Variants in AGAP1 observed in about 807,000 individuals in gnomAD.
The protein encoded by AGAP1 is ArfGAP with GTPase domain, ankyrin repeat and PH domain 1, also known as arf-GAP with GTPase, ANK repeat and PH domain-containing protein 1.
AGAP1 carries 29 observed loss-of-function variants against 105.3 expected under a neutral mutation model. That is an observed-to-expected ratio of 0.28 (90% CI 0.21 to 0.38). The LOEUF (loss-of-function observed/expected upper bound fraction) is 0.38, where lower values mean the gene tolerates loss of function less well. Ranked by LOEUF, AGAP1 falls within the 10% of genes least tolerant of loss-of-function variation. The probability of loss-of-function intolerance (pLI) is 1.00; values close to 1 mark genes in which losing one functional copy is unlikely to be tolerated. For missense variants in AGAP1, 998 were observed against 1,165.1 expected (o/e 0.86, Z 2.09); for synonymous variants, 509 against 485.9 (o/e 1.05, Z -0.63).
At position 235,705,691 on chromosome 2, in the gene AGAP1, T is replaced by TA. The variant is rs767585937; in HGVS notation, c.164-3487dup. ...AGTTGATGAAAGTTTTTAAAATAAATACTTTTTAATGGGAGATGAAGAGTT... is the reference window on the plus strand; with the variant it reads ...AGTTGATGAAAGTTTTTAAAATAAATAACTTTTTAATGGGAGATGAAGAGTT... On this transcript the variant is annotated intron_variant, in intron 1 of 17. Coordinates refer to ENST00000304032, the MANE Select transcript of AGAP1 (RefSeq NM_001037131.3). This position sits in a 1 kb window ranked among gnomAD's most constrained non-coding sequence, Gnocchi z 4.9. 1.3e-4 allele frequency among the ~76,000 whole-genome samples: 20 copies of TA among 152,372 alleles called. No homozygotes were observed. Among genetic ancestry groups the TA allele is most frequent in the South Asian group, 8.3e-4 (4 of 4,830 alleles).
rs1277091346 is a variant in AGAP1 at position 235,732,511 on chromosome 2, A to G, written c.311-8452A>G. ...CACACTGGAGTGGGAAGCGGTTGTA[A>G]GGGACTTCCTTCTGCTTTTTGAGCT... On this transcript the variant is annotated intron_variant, in intron 3 of 17. Coordinates refer to ENST00000304032, the MANE Select transcript of AGAP1 (RefSeq NM_001037131.3). The surrounding 1 kb of genome is among the most constrained non-coding windows in gnomAD (Gnocchi z 4.8). Among the ~76,000 whole-genome samples the G allele has an allele frequency of 6.6e-6, 1 of 152,030 alleles. No individual in the cohort carries two copies. The highest frequency in any genetic ancestry group is 2.4e-5 in the African/African-American group (1 of 41,336).
chr2:235,606,800 T>C (rs1945952864), intron 1 of AGAP1, among the ~76,000 whole-genome samples: 1 of 151,942 alleles, frequency 6.6e-6, no homozygotes, highest in South Asian at 2.1e-4. Flanking sequence ...ATACAAAAAA[T>C]TAGCCTGGCA....
At chr2:235,670,924 G>A (rs1948377810) in intron 1 of AGAP1, 8 of 1,334,654 alleles carry the variant, frequency 6.0e-6, no homozygotes, top group Admixed American at 3.9e-5. Flanking sequence ...TCGCGCGCAG[G>A]GACGGGGGCC....
In AGAP1 at chr2:235,992,783, G is replaced by T; in HGVS notation, c.1645+24160G>T. 6.6e-6 allele frequency among the ~76,000 whole-genome samples: 1 copy of T among 152,118 alleles called. No individual in the cohort carries two copies. Among genetic ancestry groups the T allele is most frequent in the East Asian group, 1.9e-4 (1 of 5,156 alleles). On this transcript the variant is annotated intron_variant, in intron 13 of 17. Transcript: ENST00000304032. This position sits in a 1 kb window ranked among gnomAD's most constrained non-coding sequence, Gnocchi z 4.8. The stretch of plus-strand genomic sequence containing the variant: ...GAGGAGAGCGTAGCCTCCTGTTAAC[G>T]TAGCCTCCTGCTGCTCTTTGGGGTA...
rs926048475 is a variant in AGAP1, at chr2:235,750,966, C to G, written c.673+478C>G. Among the ~76,000 whole-genome samples the G allele has an allele frequency of 1.3e-5, 2 of 152,134 alleles. No homozygotes were observed. The highest frequency in any genetic ancestry group is 4.8e-5 in the African/African-American group (2 of 41,408). On this transcript the variant is annotated intron_variant, in intron 6 of 17. Transcript: ENST00000304032. This position sits in a 1 kb window ranked among gnomAD's most constrained non-coding sequence, Gnocchi z 5.3. ...CCACCAAAAAAATAATAAAATGACA[C>G]GATACCACTCACAGCAGAGGGTGAG...
At chr2:236,088,734 A>G (rs545992714) in intron 16 of AGAP1, among the ~76,000 whole-genome samples, 2 of 152,238 alleles carry the variant, frequency 1.3e-5, no homozygotes, top group Middle Eastern at 3.4e-3. Flanking sequence ...CTTTTGTTTG[A>G]TTTCTGTGAA....
chr2:235,668,115 C>G (rs895570321), intron 1 of AGAP1, among the ~76,000 whole-genome samples: 4 of 151,916 alleles, frequency 2.6e-5, no homozygotes, highest in African/African-American at 9.7e-5. Context: ...GAGGTATGAC[C>G]CTGTGATGGT....
intron 12 of AGAP1, among the ~76,000 whole-genome samples, chr2:235,938,466 G>A (rs1433985390): frequency 6.6e-6 from 1 of 152,232 alleles, no homozygotes; most frequent in Non-Finnish European, 1.5e-5. Flanking sequence ...GCCACAAGCT[G>A]AGACATAATC....
chr2:236,014,750 T>C lies in AGAP1; in HGVS notation c.1646-21811T>C, dbSNP rs113993100. On this transcript the variant is annotated intron_variant, in intron 13 of 17. Transcript: ENST00000304032. The surrounding 1 kb of genome is among the most constrained non-coding windows in gnomAD (Gnocchi z 6.3). ...TTCTCCCCTTTTCATTTGTTTTCTT[T>C]TCCTTTTTGTTTTCTCTCTTTTTCC... The C allele has an allele frequency of 8.5e-3, 3,438 of 403,004 alleles. 31 individuals are homozygous for C. Among genetic ancestry groups the C allele is most frequent in the Non-Finnish European group, 0.014 (2,828 of 198,442 alleles). 25.0% of individuals were successfully genotyped at this position (403,004 alleles called of 1,614,324 possible). A position where few individuals can be genotyped will look rare whatever the true frequency, so the allele number is the denominator to read the frequency against.
rs1232224049 is a variant in AGAP1, at chr2:235,720,358, C to G, written c.310+2714C>G. The stretch of plus-strand genomic sequence containing the variant: ...GTGTTGTCACCTGGGTGTGTGGAGA[C>G]TATCAAAGGGATGTGTTGTCCTCGG... On this transcript the variant is annotated intron_variant, in intron 3 of 17. Coordinates refer to ENST00000304032, the MANE Select transcript of AGAP1 (RefSeq NM_001037131.3). This position sits in a 1 kb window ranked among gnomAD's most constrained non-coding sequence, Gnocchi z 5.0. Among the ~76,000 whole-genome samples the G allele has an allele frequency of 6.6e-6, 1 of 152,092 alleles. No individual in the cohort carries two copies. The highest frequency in any genetic ancestry group is 2.4e-5 in the African/African-American group (1 of 41,410).
In AGAP1 at chr2:235,599,306, G is replaced by T. The variant is rs1046153877; in HGVS notation, c.163+104457G>T. ...TACACTGTGTGTTGGGGGGGTGGCA[G>T]TGTGCTTTCTTCCTGCCCCAATTTT... On this transcript the variant is annotated intron_variant, in intron 1 of 17. Coordinates refer to ENST00000304032, the MANE Select transcript of AGAP1 (RefSeq NM_001037131.3). The surrounding 1 kb of genome is among the most constrained non-coding windows in gnomAD (Gnocchi z 5.3). Among the ~76,000 whole-genome samples, 1 of 152,132 alleles carries T rather than the reference G, an allele frequency of 6.6e-6. No individual in the cohort carries two copies. Among genetic ancestry groups the T allele is most frequent in the South Asian group, 2.1e-4 (1 of 4,828 alleles).
At position 235,744,540 on chromosome 2, in the gene AGAP1, G is replaced by A. The variant is rs147768093; in HGVS notation, c.397-158G>A. On this transcript the variant is annotated intron_variant, in intron 4 of 17. Coordinates refer to ENST00000304032, the MANE Select transcript of AGAP1 (RefSeq NM_001037131.3). The surrounding 1 kb of genome is among the most constrained non-coding windows in gnomAD (Gnocchi z 5.2). Reference sequence around the variant, plus strand: ...TGCTCAGGAGGAGGACGTGGATGCCGTGACAGTGTGTAAAAGTGACAGTCA... The same window carrying A: ...TGCTCAGGAGGAGGACGTGGATGCCATGACAGTGTGTAAAAGTGACAGTCA... Among the ~76,000 whole-genome samples the A allele has an allele frequency of 1.3e-4, 20 of 152,274 alleles. No individual in the cohort carries two copies. In the East Asian group the frequency reaches 3.1e-3, roughly 24 times the overall value.
intron 9 of AGAP1, among the ~76,000 whole-genome samples, chr2:235,831,397 T>G (rs1959380920): frequency 6.6e-6 from 1 of 152,136 alleles, no homozygotes; most frequent in South Asian, 2.1e-4. Context: ...AAATGTATAA[T>G]GAGCTGTATC....
chr2:235,697,774 C>T (rs1950063628), intron 1 of AGAP1, among the ~76,000 whole-genome samples: 1 of 152,188 alleles, frequency 6.6e-6, no homozygotes, highest in Admixed American at 6.5e-5. Context: ...ATAATTCTTT[C>T]TGGAATGAAA....
chr2:236,097,475 C>G (rs980836214), intron 16 of AGAP1, among the ~76,000 whole-genome samples: 2 of 138,182 alleles, frequency 1.4e-5, no homozygotes, highest in South Asian at 4.9e-4. Context: ...TCACTGCAAC[C>G]TTTGCCTCCT....
intron 12 of AGAP1, among the ~76,000 whole-genome samples, chr2:235,968,133 G>A (rs952371124): frequency 3.3e-5 from 5 of 152,186 alleles, no homozygotes; most frequent in Admixed American, 2.6e-4. Context: ...AGAAGAGAAA[G>A]ATAACTAAAA....
intron 1 of AGAP1, among the ~76,000 whole-genome samples, chr2:235,528,907 C>G (rs1034140632): frequency 6.6e-6 from 1 of 152,140 alleles, no homozygotes; most frequent in Non-Finnish European, 1.5e-5. Flanking sequence ...AACTCCTGAC[C>G]TCAGGTGATC....
Position 235,700,962 on chromosome 2 carries a change from TTATG to T in AGAP1, c.164-8213_164-8210del, listed in dbSNP as rs1397445095. Among the ~76,000 whole-genome samples, 1 of 147,046 alleles carries T rather than the reference TTATG, an allele frequency of 6.8e-6. No individual in the cohort carries two copies. Among genetic ancestry groups the T allele is most frequent in the Non-Finnish European group, 1.5e-5 (1 of 67,184 alleles). The stretch of plus-strand genomic sequence containing the variant: ...ATATTTGTAATATATATATTATGTA[TTATG>T]TATATATTATATATGTATATATTAT... On this transcript the variant is annotated intron_variant, in intron 1 of 17. Coordinates refer to ENST00000304032, the MANE Select transcript of AGAP1 (RefSeq NM_001037131.3). This position sits in a 1 kb window ranked among gnomAD's most constrained non-coding sequence, Gnocchi z 6.1.
At chr2:235,704,391 A>G (rs1559372864) in intron 1 of AGAP1, among the ~76,000 whole-genome samples, 3 of 150,118 alleles carry the variant, frequency 2.0e-5, no homozygotes, top group African/African-American at 7.6e-5. Flanking sequence ...GCTCATGCCT[A>G]TATTCCCAGC....
Sources: allele counts gnomAD v4.1 joint callset (sites outside exome capture counted in the v4.1 genomes callset), GRCh38; gene constraint gnomAD v4.1.1; non-coding constraint Gnocchi (gnomAD v3.1); transcripts MANE v1.5; gene names NCBI Gene and HGNC (gene_info 2026-07-23, HGNC 2026-07-21).